BAZ2B: variants seen among roughly 807,000 people sequenced by gnomAD.
BAZ2B encodes bromodomain adjacent to zinc finger domain 2B, also known as bromodomain adjacent to zinc finger domain protein 2B.
In BAZ2B, 91 loss-of-function variants were observed where a neutral mutation model predicts 246.0. The ratio of observed to expected loss-of-function variants is 0.37; its 90% CI spans 0.31 to 0.44. The LOEUF (loss-of-function observed/expected upper bound fraction) is 0.44, where lower values mean the gene tolerates loss of function less well. BAZ2B is among the 20% of genes least tolerant of loss of function. The pLI, the probability that BAZ2B is intolerant of heterozygous loss-of-function variation, is 1.00. For missense variants in BAZ2B, 2,332 were observed against 2,533.7 expected, an observed-to-expected ratio of 0.92 and a Z score of 1.71; for synonymous variants, 855 against 860.0, an observed-to-expected ratio of 0.99 and a Z score of 0.10.
At chr2:159,513,271 T>A (rs924023295) in intron 2 of BAZ2B, among the ~76,000 whole-genome samples, 1 of 152,250 alleles carries the variant, frequency 6.6e-6, no homozygotes, top group Non-Finnish European at 1.5e-5. Flanking sequence ...TTTTTACTTA[T>A]TAGATGTTTA....
the BAZ2B span, among the ~76,000 whole-genome samples, chr2:159,632,860 G>T: frequency 6.6e-6 from 1 of 152,246 alleles, no homozygotes; most frequent in East Asian, 1.9e-4. Context: ...TACTTTTGTT[G>T]TTTTATGTTC....
At chr2:159,513,498 A>G (rs2083136641) in intron 2 of BAZ2B, among the ~76,000 whole-genome samples, 1 of 152,166 alleles carries the variant, frequency 6.6e-6, no homozygotes, top group Non-Finnish European at 1.5e-5. Flanking sequence ...ATCCAAAGTC[A>G]AAGTCCTGAT....
chr2:159,349,569 A>G (rs1575892156), intron 28 of BAZ2B, 139 bp downstream of exon 28: 2 of 1,060,374 alleles, frequency 1.9e-6, no homozygotes, highest in African/African-American at 3.2e-5. Flanking sequence ...TTGGTGACAG[A>G]AATTCTGACT....
intron 1 of BAZ2B, among the ~76,000 whole-genome samples, chr2:159,605,083 T>C (rs528663336): frequency 6.6e-6 from 1 of 152,296 alleles, no homozygotes; most frequent in African/African-American, 2.4e-5. Context: ...TTACACAGGC[T>C]GGAGTGCAAT....
At chr2:159,630,538 C>CTTT in the BAZ2B span, among the ~76,000 whole-genome samples, 1 of 145,216 alleles carries the variant, frequency 6.9e-6, no homozygotes, top group Non-Finnish European at 1.5e-5. Context: ...ATTCTTCTCT[C>CTTT]TTTTTTTTTT....
At chr2:159,463,587 T>C (rs2076673804) in intron 3 of BAZ2B, 1 of 152,446 alleles carries the variant, frequency 6.6e-6, no homozygotes, top group Admixed American at 6.5e-5. Flanking sequence ...AGGTGTGAGA[T>C]GATAGCTCAT....
intron 2 of BAZ2B, among the ~76,000 whole-genome samples, chr2:159,485,433 A>G (rs962974017): frequency 1.3e-5 from 2 of 152,184 alleles, no homozygotes; most frequent in Non-Finnish European, 2.9e-5. Context: ...AGAATTAAGT[A>G]TGGTATACAG....
chr2:159,373,373 T>C (rs889828414), intron 26 of BAZ2B, among the ~76,000 whole-genome samples, 184 bp from the exon 27 acceptor site: 1 of 152,218 alleles, frequency 6.6e-6, no homozygotes, highest in African/African-American at 2.4e-5. Context: ...ATAGAAATCA[T>C]TTTAAGGATA....
chr2:159,476,701 G>A (rs555002554), intron 3 of BAZ2B, among the ~76,000 whole-genome samples: 1 of 152,286 alleles, frequency 6.6e-6, no homozygotes, highest in African/African-American at 2.4e-5. Flanking sequence ...GTATGTTAAA[G>A]ACTAATTCAG....
chr2:159,598,150 C>T (rs766505854), intron 1 of BAZ2B, among the ~76,000 whole-genome samples: 22 of 152,056 alleles, frequency 1.4e-4, no homozygotes, highest in Non-Finnish European at 2.5e-4. Context: ...CCTGCCACCA[C>T]GCCCAGCTCA....
At chr2:159,376,248 C>T (rs948739552) in intron 25 of BAZ2B, among the ~76,000 whole-genome samples, 2 of 152,056 alleles carry the variant, frequency 1.3e-5, no homozygotes, top group Non-Finnish European at 2.9e-5. Context: ...AACAGTGTTC[C>T]TACTTTAATA....
At chr2:159,410,491 G>GCT (rs1302487621) in intron 14 of BAZ2B, among the ~76,000 whole-genome samples, 17 of 151,938 alleles carry the variant, frequency 1.1e-4, no homozygotes, top group African/African-American at 2.4e-5. Flanking sequence ...GGATTCCCTT[G>GCT]CTCTCTCTCT....
chr2:159,666,076 T>G, the BAZ2B span, among the ~76,000 whole-genome samples: 69,421 of 151,944 alleles, frequency 0.46, 16,715 homozygotes, highest in Middle Eastern at 0.64. Flanking sequence ...CTTCTTGTTA[T>G]TGAGTTGTAA....
Position 159,532,381 on chromosome 2 carries a change from C to T in BAZ2B, c.-3+23442G>A, listed in dbSNP as rs553260103. Among the ~76,000 whole-genome samples, 22 of 152,244 alleles carry T rather than the reference C, an allele frequency of 1.4e-4. 1 individual carries two copies. In the South Asian group the frequency reaches 4.6e-3, roughly 32 times the overall value. On this transcript the variant is annotated intron_variant, in intron 2 of 36. Coordinates refer to ENST00000392783, the MANE Select transcript of BAZ2B (RefSeq NM_013450.4). ...TGAAAATAAAGTCTTACACTTTTAT[C>T]TGAAAGTAAATGTTCTCTACCAAAT...
chr2:159,642,118 TTTC>T, the BAZ2B span, among the ~76,000 whole-genome samples: 3 of 152,226 alleles, frequency 2.0e-5, no homozygotes, highest in Admixed American at 6.5e-5. Context: ...AATGTGGATT[TTTC>T]TTCTACTTAA....
chr2:159,365,817 C>T (rs2060159258), intron 27 of BAZ2B, among the ~76,000 whole-genome samples: 1 of 152,176 alleles, frequency 6.6e-6, no homozygotes, highest in African/African-American at 2.4e-5. Context: ...TAATGATGGA[C>T]TGTGCTTGGG....
At chr2:159,327,254 C>T (rs935311399) in intron 34 of BAZ2B, among the ~76,000 whole-genome samples, 5 of 152,120 alleles carry the variant, frequency 3.3e-5, no homozygotes, top group Admixed American at 2.0e-4. Flanking sequence ...GGCTGAAAAA[C>T]AGTCCTTTGG....
the BAZ2B span, among the ~76,000 whole-genome samples, chr2:159,649,523 G>A: frequency 1.2e-4 from 19 of 152,096 alleles, no homozygotes; most frequent in African/African-American, 2.9e-4. Context: ...CCTGCTGTGT[G>A]GCCCAGTTCC....
intron 3 of BAZ2B, among the ~76,000 whole-genome samples, chr2:159,474,286 G>A (rs1439941301): frequency 6.6e-6 from 1 of 152,084 alleles, no homozygotes; most frequent in Non-Finnish European, 1.5e-5. Context: ...TCTTCTTTTT[G>A]CATTGATCCC....
Sources: gnomAD v4.1 joint callset for allele counts (sites outside exome capture counted in the v4.1 genomes callset) on GRCh38, gnomAD v4.1.1 for gene constraint, MANE v1.5 for transcripts, NCBI Gene and HGNC (gene_info 2026-07-23, HGNC 2026-07-21) for gene names.